Variants in FNTB observed in about 807,000 individuals in gnomAD.
The protein encoded by FNTB is farnesyltransferase, CAAX box, subunit beta.
A neutral mutation model predicts 59.4 loss-of-function variants in FNTB; 27 were observed. The ratio of observed to expected loss-of-function variants is 0.45; its 90% CI spans 0.34 to 0.63. FNTB has a LOEUF of 0.63. FNTB is among the 20% of genes least tolerant of loss of function. The pLI, the probability that FNTB is intolerant of heterozygous loss-of-function variation, is 0.02. For synonymous variants in FNTB, 230 were observed against 220.7 expected (o/e 1.04, Z -0.37); for missense variants, 449 against 559.6 (o/e 0.80, Z 1.99).
In FNTB at chr14:65,011,471, A is replaced by C. The variant is rs73268773; in HGVS notation, c.210-846A>C. On this transcript the variant is annotated intron_variant, in intron 2 of 11. Transcript: ENST00000246166. The surrounding 1 kb of genome is among the most constrained non-coding windows in gnomAD (Gnocchi z 4.0). ...AAAAAAAGACTGCATGAAGGCTCTT[A>C]CTCTGAGCCAAGTACAGTGGGAATT... Among the ~76,000 whole-genome samples, 1,570 of 150,388 alleles carry C rather than the reference A, an allele frequency of 0.01. 26 individuals are homozygous for C. The highest frequency in any genetic ancestry group is 0.08 in the East Asian group (407 of 5,094).
chr14:65,055,115 G>T (rs2139680269), intron 11 of FNTB, among the ~76,000 whole-genome samples: 1 of 152,376 alleles, frequency 6.6e-6, no homozygotes, highest in Non-Finnish European at 1.5e-5. Flanking sequence ...TTCAGAGAAT[G>T]AGATCCCCAG....
intron 8 of FNTB, 95 bp downstream of exon 8, chr14:65,041,014 G>A: frequency 6.5e-7 from 1 of 1,542,876 alleles, no homozygotes; most frequent in Non-Finnish European, 8.8e-7. Flanking sequence ...TTGGCTATGG[G>A]AAGGGCTAAG....
intron 8 of FNTB, among the ~76,000 whole-genome samples, chr14:65,043,558 C>T (rs962073800): frequency 2.0e-5 from 3 of 152,058 alleles, no homozygotes; most frequent in Non-Finnish European, 4.4e-5. Context: ...CACGGTGGCT[C>T]ACGCCTGTAA....
rs1367870081 is a variant in FNTB at position 65,044,521 on chromosome 14, T to G, written c.955+78T>G. 4 of 1,542,368 alleles carry G rather than the reference T, an allele frequency of 2.6e-6. No individual in the cohort carries two copies. In the Admixed American group the frequency reaches 6.8e-5, roughly 26 times the overall value. On this transcript the variant is annotated intron_variant, in intron 9 of 11. Coordinates refer to ENST00000246166, the MANE Select transcript of FNTB (RefSeq NM_002028.4). This position sits in a 1 kb window ranked among gnomAD's most constrained non-coding sequence, Gnocchi z 5.5. ...ACAAAGTCTGGAAGCCCAGCGTGCTTTTTTAGAGGGGTTGAAATGAGCTCT... is the reference window on the plus strand; with the variant it reads ...ACAAAGTCTGGAAGCCCAGCGTGCTGTTTTAGAGGGGTTGAAATGAGCTCT...
At chr14:65,060,696 T>TGAAAAAAA (rs2062843458) in intron 11 of FNTB, among the ~76,000 whole-genome samples, 1 of 27,606 alleles carries the variant, frequency 3.6e-5, no homozygotes, top group Non-Finnish European at 5.5e-5. Flanking sequence ...AGACTCCGTC[T>TGAAAAAAA]CAAAAAAAAA....
intron 4 of FNTB, among the ~76,000 whole-genome samples, chr14:65,025,333 G>A (rs1387420875): frequency 6.6e-6 from 1 of 152,178 alleles, no homozygotes; most frequent in Non-Finnish European, 1.5e-5. Flanking sequence ...TTTAAAAAAT[G>A]TGCTGTTAAG....
intron 11 of FNTB, among the ~76,000 whole-genome samples, chr14:65,057,722 T>G (rs2062769244): frequency 1.3e-5 from 2 of 152,238 alleles, no homozygotes; most frequent in Non-Finnish European, 2.9e-5. Flanking sequence ...CTCTTGGATT[T>G]GGTTTCTGTG....
chr14:65,017,652 A>G (rs542269098), intron 4 of FNTB, among the ~76,000 whole-genome samples: 11 of 152,218 alleles, frequency 7.2e-5, no homozygotes, highest in Admixed American at 2.6e-4. Flanking sequence ...AATGTTTAAA[A>G]AAAATTTTTT....
rs113436813 is a variant in FNTB, at chr14:65,046,646, G to A, written c.955+2203G>A. 1.7e-3 allele frequency among the ~76,000 whole-genome samples: 256 copies of A among 152,286 alleles called. 1 individual carries two copies. The highest frequency in any genetic ancestry group is 5.8e-3 in the African/African-American group (241 of 41,562). On this transcript the variant is annotated intron_variant, in intron 9 of 11. Coordinates refer to ENST00000246166, the MANE Select transcript of FNTB (RefSeq NM_002028.4). The stretch of plus-strand genomic sequence containing the variant: ...CAGGGCATCTCTTGAACTTGGAACA[G>A]ACAGGAGTCTGTAAAGAAGGGAAGT...
At chr14:65,041,400 C>A (rs1034790925) in intron 8 of FNTB, among the ~76,000 whole-genome samples, 3 of 152,168 alleles carry the variant, frequency 2.0e-5, no homozygotes, top group South Asian at 4.1e-4. Flanking sequence ...CTGGACCCCA[C>A]GCTCCTGGCC....
intron 8 of FNTB, among the ~76,000 whole-genome samples, chr14:65,043,198 A>C (rs751041780): frequency 1.5e-4 from 23 of 152,156 alleles, no homozygotes; most frequent in Non-Finnish European, 2.9e-4. Flanking sequence ...GAAATGTCAT[A>C]TCTGCTCAGC....
rs1450226997 is a variant in FNTB, at chr14:64,990,146, T to C, written c.144+3049T>C. Among the ~76,000 whole-genome samples, 1 of 152,126 alleles carries C rather than the reference T, an allele frequency of 6.6e-6. No homozygotes were observed. Among genetic ancestry groups the C allele is most frequent in the Admixed American group, 6.5e-5 (1 of 15,284 alleles). On this transcript the variant is annotated intron_variant, in intron 1 of 11. Transcript: ENST00000246166. This position sits in a 1 kb window ranked among gnomAD's most constrained non-coding sequence, Gnocchi z 5.2. ...GCTTAGCAAACCAGAGAGTAGGAGA[T>C]GGGTCGGATCATGTAGGGTCTCATT...
intron 4 of FNTB, among the ~76,000 whole-genome samples, chr14:65,020,824 C>G (rs528210067): frequency 6.6e-6 from 1 of 150,664 alleles, no homozygotes; most frequent in Non-Finnish European, 1.5e-5. Context: ...CTCCACCTCC[C>G]GGGTTCAAGT....
chr14:65,041,024 G>T (rs1423832284), intron 8 of FNTB, 105 bp downstream of exon 8: 3 of 1,521,020 alleles, frequency 2.0e-6, no homozygotes, highest in East Asian at 2.3e-5. Flanking sequence ...GAAGGGCTAA[G>T]AGAGTTAGCT....
Position 65,007,910 on chromosome 14 carries a change from G to A in FNTB, c.209+3597G>A, listed in dbSNP as rs923782145. 1.3e-5 allele frequency among the ~76,000 whole-genome samples: 2 copies of A among 152,196 alleles called. No homozygotes were observed. Among genetic ancestry groups the A allele is most frequent in the African/African-American group, 4.8e-5 (2 of 41,438 alleles). Reference sequence around the variant, plus strand: ...TATTGATAATGTCCCTGTGCTAATAGAGCCCTGGAGGTTAAGTGCTGACAA... The same window carrying A: ...TATTGATAATGTCCCTGTGCTAATAAAGCCCTGGAGGTTAAGTGCTGACAA... On this transcript the variant is annotated intron_variant, in intron 2 of 11. Coordinates refer to ENST00000246166, the MANE Select transcript of FNTB (RefSeq NM_002028.4). The surrounding 1 kb of genome is among the most constrained non-coding windows in gnomAD (Gnocchi z 4.9).
intron 7 of FNTB, among the ~76,000 whole-genome samples, chr14:65,036,299 T>C (rs2062192029): frequency 6.6e-6 from 1 of 152,032 alleles, no homozygotes; most frequent in Non-Finnish European, 1.5e-5. Flanking sequence ...TGCAGTGGCG[T>C]GATCTTGGCT....
intron 4 of FNTB, among the ~76,000 whole-genome samples, chr14:65,018,202 G>T (rs1420277218): frequency 6.6e-6 from 1 of 152,010 alleles, no homozygotes; most frequent in Non-Finnish European, 1.5e-5. Context: ...ATAGCTGGGC[G>T]TGGTGGTGCA....
intron 4 of FNTB, chr14:65,022,243 G>T: frequency 6.0e-6 from 2 of 333,982 alleles, no homozygotes; most frequent in South Asian, 2.3e-5. Context: ...TTCTGCCCAT[G>T]GATGACTGTT....
At chr14:64,992,985 G>A (rs1484377251) in intron 1 of FNTB, among the ~76,000 whole-genome samples, 2 of 152,108 alleles carry the variant, frequency 1.3e-5, no homozygotes, top group African/African-American at 4.8e-5. Context: ...ACTGGCGTGC[G>A]CTACCATGTT....
Sources: gnomAD v4.1 joint callset for allele counts (sites outside exome capture counted in the v4.1 genomes callset) on GRCh38, gnomAD v4.1.1 for gene constraint, Gnocchi (gnomAD v3.1) non-coding constraint, MANE v1.5 for transcripts, NCBI Gene and HGNC (gene_info 2026-07-23, HGNC 2026-07-21) for gene names.